The following GALNT17 variants were observed in gnomAD, a reference collection of about 807,000 sequenced individuals.
GALNT17 encodes the protein UDP-GalNAc:polypeptide N-acetylgalactosaminyltransferase-like 3.
In GALNT17, 29 loss-of-function variants were observed where a neutral mutation model predicts 63.7. That is an observed-to-expected ratio of 0.46 (90% CI 0.34 to 0.62). The LOEUF (loss-of-function observed/expected upper bound fraction) is 0.62, where lower values mean the gene tolerates loss of function less well. Among genes scored for constraint, GALNT17 ranks in the 20% least tolerant of loss-of-function variants. The pLI is 0.01. For missense variants in GALNT17, 603 were observed against 799.6 expected (o/e 0.75, Z 2.97); for synonymous variants, 305 against 318.3 (o/e 0.96, Z 0.45).
At chr7:71,671,673 C>A (rs545457934) in intron 8 of GALNT17, among the ~76,000 whole-genome samples, 1 of 152,234 alleles carries the variant, frequency 6.6e-6, no homozygotes, top group East Asian at 1.9e-4. Context: ...AGGAGAGTAT[C>A]TCCTCTACAG....
At chr7:71,472,730 A>T (rs1382087878) in intron 5 of GALNT17, among the ~76,000 whole-genome samples, 1 of 151,924 alleles carries the variant, frequency 6.6e-6, no homozygotes, top group Non-Finnish European at 1.5e-5. Flanking sequence ...TAAAAATTAA[A>T]AAGTCATTTA....
At chr7:71,306,412 C>T (rs1489685046) in intron 1 of GALNT17, among the ~76,000 whole-genome samples, 1 of 151,706 alleles carries the variant, frequency 6.6e-6, no homozygotes, top group African/African-American at 2.4e-5. Flanking sequence ...CTGTCAACGC[C>T]CCCCACTATT....
At chr7:71,521,382 A>G (rs963604023) in intron 5 of GALNT17, among the ~76,000 whole-genome samples, 1 of 152,204 alleles carries the variant, frequency 6.6e-6, no homozygotes, top group Non-Finnish European at 1.5e-5. Flanking sequence ...CTTTCCCAGC[A>G]GGAAGACGCC....
At chr7:71,544,842 G>C (rs993460972) in intron 5 of GALNT17, among the ~76,000 whole-genome samples, 1 of 118,586 alleles carries the variant, frequency 8.4e-6, no homozygotes, top group Non-Finnish European at 1.8e-5. Flanking sequence ...ACATCTTTCT[G>C]AGCTTTAGTT....
chr7:71,221,172 C>T (rs541011358), intron 1 of GALNT17, among the ~76,000 whole-genome samples: 6 of 152,070 alleles, frequency 3.9e-5, no homozygotes, highest in Non-Finnish European at 7.4e-5. Context: ...GGGAGGTACT[C>T]AGCTGTCTGG....
At chr7:71,188,807 C>G (rs762853868) in intron 1 of GALNT17, among the ~76,000 whole-genome samples, 19 of 152,086 alleles carry the variant, frequency 1.2e-4, no homozygotes, top group Non-Finnish European at 2.2e-4. Context: ...TGAAATATCC[C>G]CAGCACAGCT....
intron 1 of GALNT17, among the ~76,000 whole-genome samples, chr7:71,235,059 TG>T (rs1789862162): frequency 6.6e-6 from 1 of 152,114 alleles, no homozygotes; most frequent in Non-Finnish European, 1.5e-5. Context: ...GAGACCAGCC[TG>T]GGCAACACAG....
intron 6 of GALNT17, among the ~76,000 whole-genome samples, chr7:71,594,030 T>TA (rs1261346814): frequency 6.6e-6 from 1 of 151,806 alleles, no homozygotes; most frequent in East Asian, 1.9e-4. Flanking sequence ...TCATTTTTTT[T>TA]TAATGTTTTG....
At chr7:71,192,528 C>G (rs112190213) in intron 1 of GALNT17, among the ~76,000 whole-genome samples, 1 of 151,660 alleles carries the variant, frequency 6.6e-6, no homozygotes, top group Admixed American at 6.6e-5. Context: ...CCCAAGTAGC[C>G]GGGATTACAA....
At chr7:71,588,270 T>C (rs201670603) in intron 6 of GALNT17, among the ~76,000 whole-genome samples, 1 of 152,352 alleles carries the variant, frequency 6.6e-6, no homozygotes, top group Non-Finnish European at 1.5e-5. Context: ...TTGGTTCTTA[T>C]TGACATCATT....
At chr7:71,421,445 A>G (rs571110414) in intron 5 of GALNT17, among the ~76,000 whole-genome samples, 3 of 152,170 alleles carry the variant, frequency 2.0e-5, no homozygotes, top group African/African-American at 7.2e-5. Context: ...TTCTGGGGCT[A>G]TTTTATACTT....
At chr7:71,466,257 T>C (rs1457323350) in intron 5 of GALNT17, among the ~76,000 whole-genome samples, 1 of 152,162 alleles carries the variant, frequency 6.6e-6, no homozygotes, top group East Asian at 1.9e-4. Flanking sequence ...CCTGAAAAAC[T>C]AGTTCAGACC....
intron 6 of GALNT17, among the ~76,000 whole-genome samples, chr7:71,584,890 G>A (rs1252284975): frequency 6.6e-6 from 1 of 152,140 alleles, no homozygotes; most frequent in East Asian, 1.9e-4. Flanking sequence ...GAGTAGCTGG[G>A]ACTATAGGCG....
At chr7:71,693,604 C>T (rs961967946) in intron 9 of GALNT17, among the ~76,000 whole-genome samples, 9 of 148,652 alleles carry the variant, frequency 6.1e-5, no homozygotes, top group African/African-American at 7.5e-5. Context: ...TATGAGAACA[C>T]GTGGACACAT....
chr7:71,338,283 T>C (rs1791947023), intron 2 of GALNT17, among the ~76,000 whole-genome samples: 1 of 151,508 alleles, frequency 6.6e-6, no homozygotes, highest in African/African-American at 2.4e-5. Flanking sequence ...GCCAAGATAG[T>C]GCCACTGCAC....
intron 5 of GALNT17, among the ~76,000 whole-genome samples, chr7:71,483,089 C>T (rs139320676): frequency 2.6e-5 from 4 of 152,242 alleles, no homozygotes; most frequent in African/African-American, 7.2e-5. Flanking sequence ...GATTGGGGAC[C>T]TCTGGTATAA....
chr7:71,451,033 A>G (rs952854057), intron 5 of GALNT17, among the ~76,000 whole-genome samples: 2 of 151,590 alleles, frequency 1.3e-5, no homozygotes, highest in Non-Finnish European at 2.9e-5. Context: ...TGCACCCATT[A>G]ACTCATCATT....
intron 1 of GALNT17, among the ~76,000 whole-genome samples, chr7:71,229,422 T>A (rs1789745845): frequency 6.6e-6 from 1 of 152,196 alleles, no homozygotes; most frequent in Non-Finnish European, 1.5e-5. Flanking sequence ...GACTCATGTT[T>A]TGGAGCGTTT....
intron 5 of GALNT17, among the ~76,000 whole-genome samples, chr7:71,563,250 G>T (rs186369062): frequency 8.5e-5 from 13 of 152,342 alleles, no homozygotes; most frequent in African/African-American, 1.2e-4. Context: ...GAAGGATGAG[G>T]CTGGAGACTC....
Sources: allele counts gnomAD v4.1 joint callset (sites outside exome capture counted in the v4.1 genomes callset), GRCh38; gene constraint gnomAD v4.1.1; transcripts MANE v1.5; gene names NCBI Gene and HGNC (gene_info 2026-07-23, HGNC 2026-07-21).